Variants in AK9 observed in about 807,000 individuals in gnomAD.
AK9 encodes adenylate kinase 9, also known as adenylate kinase domain containing 1.
In AK9, 191 loss-of-function variants were observed where a neutral mutation model predicts 239.6. The observed-to-expected ratio is 0.80, with a 90% CI of 0.71 to 0.90. AK9 has a LOEUF of 0.90. Among genes scored for constraint, AK9 ranks in the 40% least tolerant of loss-of-function variants. AK9 has a pLI of 0.00. For synonymous variants in AK9, 689 were observed against 721.0 expected, an observed-to-expected ratio of 0.96 and a Z score of 0.71; for missense variants, 1,995 against 2,214.7, an observed-to-expected ratio of 0.90 and a Z score of 1.99.
At chr6:109,548,495 T>C (rs1783898136) in intron 25 of AK9, among the ~76,000 whole-genome samples, 2 of 152,100 alleles carry the variant, frequency 1.3e-5, no homozygotes, top group Non-Finnish European at 2.9e-5. Context: ...AAATGGACAA[T>C]TTGTTTGAAA....
intron 28 of AK9, among the ~76,000 whole-genome samples, 177 bp from the exon 29 acceptor site, chr6:109,529,250 G>A (rs1022848533): frequency 6.6e-6 from 1 of 152,160 alleles, no homozygotes; most frequent in African/African-American, 2.4e-5. Context: ...TTGTACCTCT[G>A]AACCTCTTGA....
chr6:109,661,088 C>G (rs1037849034), intron 6 of AK9: 10 of 315,244 alleles, frequency 3.2e-5, no homozygotes, highest in Non-Finnish European at 5.6e-5. Flanking sequence ...TCTAGAAATT[C>G]CAGGCTTATT....
intron 20 of AK9, among the ~76,000 whole-genome samples, chr6:109,577,330 G>A (rs978340305): frequency 6.6e-6 from 1 of 152,066 alleles, no homozygotes; most frequent in Non-Finnish European, 1.5e-5. Context: ...TCCATCCCTG[G>A]TATGAAACCC....
chr6:109,596,521 G>C (rs1472961893), intron 17 of AK9, among the ~76,000 whole-genome samples: 1 of 152,208 alleles, frequency 6.6e-6, no homozygotes, highest in Non-Finnish European at 1.5e-5. Context: ...TCCTGGCATG[G>C]AGTGGAAAGG....
chr6:109,607,368 G>GA (rs927974235), intron 17 of AK9, among the ~76,000 whole-genome samples: 9 of 149,820 alleles, frequency 6.0e-5, no homozygotes, highest in Admixed American at 2.7e-4. Flanking sequence ...AAAATATTTG[G>GA]AAAAAAAAAG....
intron 29 of AK9, among the ~76,000 whole-genome samples, chr6:109,523,825 G>A (rs749064761): frequency 5.3e-5 from 8 of 152,162 alleles, no homozygotes; most frequent in Non-Finnish European, 8.8e-5. Context: ...TATACACTGA[G>A]CTGCCATTCA....
intron 17 of AK9, among the ~76,000 whole-genome samples, chr6:109,597,630 G>A (rs1791225295): frequency 6.6e-6 from 1 of 152,014 alleles, no homozygotes; most frequent in South Asian, 2.1e-4. Flanking sequence ...CCGAGATGGC[G>A]CCACTGCATT....
intron 12 of AK9, among the ~76,000 whole-genome samples, chr6:109,622,296 T>C (rs1794965353): frequency 6.9e-6 from 1 of 143,934 alleles, no homozygotes; most frequent in South Asian, 2.1e-4. Flanking sequence ...AGTCTCCATA[T>C]GTATACATAC....
At chr6:109,657,867 G>A (rs948798887) in intron 7 of AK9, among the ~76,000 whole-genome samples, 1 of 151,834 alleles carries the variant, frequency 6.6e-6, no homozygotes, top group South Asian at 2.1e-4. Flanking sequence ...CTCATCCCAG[G>A]GCCTGGCACA....
At chr6:109,569,503 T>C (rs1343793394) in intron 21 of AK9, among the ~76,000 whole-genome samples, 1 of 152,088 alleles carries the variant, frequency 6.6e-6, no homozygotes, top group Non-Finnish European at 1.5e-5. Context: ...ACCTACAGAA[T>C]GGGAGAAAAT....
At chr6:109,658,603 A>G (rs1414009428) in intron 7 of AK9, among the ~76,000 whole-genome samples, 2 of 152,174 alleles carry the variant, frequency 1.3e-5, no homozygotes, top group Non-Finnish European at 2.9e-5. Context: ...CTTAGATGAA[A>G]ATAGAACATG....
At chr6:109,608,878 C>T (rs1417904802) in intron 17 of AK9, among the ~76,000 whole-genome samples, 1 of 152,012 alleles carries the variant, frequency 6.6e-6, no homozygotes, top group Non-Finnish European at 1.5e-5. Context: ...AACAAAACCC[C>T]CCAAACCCCA....
intron 1 of AK9, among the ~76,000 whole-genome samples, chr6:109,684,659 G>A: frequency 6.7e-6 from 1 of 149,422 alleles, no homozygotes; most frequent in East Asian, 1.9e-4. Flanking sequence ...CGGATCACGA[G>A]GTCAGGAGAT....
At chr6:109,544,455 C>T (rs768351921) in intron 26 of AK9, among the ~76,000 whole-genome samples, 1 of 152,030 alleles carries the variant, frequency 6.6e-6, no homozygotes, top group Non-Finnish European at 1.5e-5. Flanking sequence ...ATGAATGGTT[C>T]AGCACCATTA....
chr6:109,647,028 C>G (rs1798158443), intron 8 of AK9, among the ~76,000 whole-genome samples: 1 of 152,158 alleles, frequency 6.6e-6, no homozygotes, highest in African/African-American at 2.4e-5. Flanking sequence ...CCTTTACAGA[C>G]AAGCAAATGC....
At chr6:109,531,356 A>G (rs766545188) in intron 28 of AK9, among the ~76,000 whole-genome samples, 2 of 152,014 alleles carry the variant, frequency 1.3e-5, no homozygotes, top group African/African-American at 4.8e-5. Context: ...TTATTGGGTG[A>G]GGAAAGGAAG....
intron 1 of AK9, among the ~76,000 whole-genome samples, chr6:109,676,017 A>C (rs896978012): frequency 6.6e-6 from 1 of 152,160 alleles, no homozygotes; most frequent in African/African-American, 2.4e-5. Context: ...TAACTTGAGG[A>C]AAAAATACAG....
intron 33 of AK9, among the ~76,000 whole-genome samples, chr6:109,507,864 C>G (rs1378202255): frequency 1.3e-5 from 2 of 152,196 alleles, no homozygotes; most frequent in Admixed American, 1.3e-4. Context: ...CCTGGCCAAT[C>G]CCAGCGGCCA....
chr6:109,647,881 C>T (rs937839189), intron 8 of AK9, among the ~76,000 whole-genome samples: 3 of 152,106 alleles, frequency 2.0e-5, no homozygotes, highest in African/African-American at 4.8e-5. Context: ...GAAATTATAA[C>T]AAACTGTCTC....
Sources: allele counts gnomAD v4.1 joint callset (sites outside exome capture counted in the v4.1 genomes callset), GRCh38; gene constraint gnomAD v4.1.1; transcripts MANE v1.5; gene names NCBI Gene and HGNC (gene_info 2026-07-23, HGNC 2026-07-21).